ANKRD17: variants seen among roughly 807,000 people sequenced by gnomAD.
The protein encoded by ANKRD17 is ankyrin repeat domain-containing protein 17.
ANKRD17 carries 19 observed loss-of-function variants against 229.7 expected under a neutral mutation model. The observed-to-expected ratio is 0.08, with a 90% CI of 0.06 to 0.12. The LOEUF (loss-of-function observed/expected upper bound fraction) is 0.12. ANKRD17 is among the 10% of genes least tolerant of loss of function. ANKRD17 has a pLI of 1.00. For missense variants in ANKRD17, 2,176 were observed against 3,176.8 expected, an observed-to-expected ratio of 0.68 and a Z score of 7.57; for synonymous variants, 1,112 against 1,146.1, an observed-to-expected ratio of 0.97 and a Z score of 0.60.
chr4:73,115,823 T>C lies in ANKRD17; in HGVS notation c.4282A>G (p.Lys1428Glu). 6.2e-7 allele frequency: 1 copy of C among 1,609,930 alleles called. No individual in the cohort carries two copies. Among genetic ancestry groups the C allele is most frequent in the Non-Finnish European group, 8.5e-7 (1 of 1,177,332 alleles). The part of the protein sequence containing the change: ...CMRYIATITD[K>E]EMLKKCHLCM... The stretch of plus-strand genomic sequence containing the variant: ...TCATATAGTGAACAACATATTACCT[T>C]ATCAGTGATGGTTGCTATGTATCTC... The change falls in exon 23 of 34, where the codon AAG becomes GAG. Residue 1428 changes from lysine to glutamate, a missense_variant and splice_region_variant. This residue lies in a region of ANKRD17 where 178 missense variants were observed against 421.7 expected (regional missense o/e 0.42). Coordinates refer to ENST00000358602, the MANE Select transcript of ANKRD17 (RefSeq NM_032217.5).
intron 1 of ANKRD17, among the ~76,000 whole-genome samples, chr4:73,217,133 C>T (rs1273423682): frequency 6.6e-6 from 1 of 152,142 alleles, no homozygotes; most frequent in African/African-American, 2.4e-5. Flanking sequence ...AATTAATGCT[C>T]CATAACATGC....
At position 73,140,282 on chromosome 4, in the gene ANKRD17, A is replaced by T; in HGVS notation, c.2334T>A (p.Ala778=). ...VATTLPIRNK[A]ASKQKSSSHL... ...GGCTGCTGGACTTTTGTTTAGAAGC[A>T]GCTGTGTGAAAAAGAAACCCCCTCA... The change falls in exon 15 of 34, where the codon GCT becomes GCA. Residue 778 remains alanine (A), a splice_region_variant and synonymous_variant. Coordinates refer to ENST00000358602, the MANE Select transcript of ANKRD17 (RefSeq NM_032217.5). 1 of 1,580,906 alleles carries T rather than the reference A, an allele frequency of 6.3e-7. No homozygotes were observed. Among genetic ancestry groups the T allele is most frequent in the Non-Finnish European group, 8.6e-7 (1 of 1,169,388 alleles).
Position 73,258,549 on chromosome 4 carries a change from G to C in ANKRD17, c.120C>G (p.Gly40=). ...AGGCCGAGCGAGCTCTGCTGCTGCCGCCAACGCCGCCGCCGACCTCCGCCG... is the reference window on the plus strand; with the variant it reads ...AGGCCGAGCGAGCTCTGCTGCTGCCCCCAACGCCGCCGCCGACCTCCGCCG... The part of the protein sequence containing the change: ...PAAAEVGGGV[G]GSSRARSASS... Residue 40 remains glycine, a synonymous_variant, in exon 1 of 34, where the codon GGC becomes GGG. Coordinates refer to ENST00000358602, the MANE Select transcript of ANKRD17 (RefSeq NM_032217.5). 1 of 1,475,770 alleles carries C rather than the reference G, an allele frequency of 6.8e-7. No homozygotes were observed. Among genetic ancestry groups the C allele is most frequent in the Non-Finnish European group, 8.9e-7 (1 of 1,122,912 alleles). 91.4% of individuals were successfully genotyped at this position (1,475,770 alleles called of 1,614,324 possible).
At chr4:73,186,607 C>T (rs915892047) in intron 1 of ANKRD17, among the ~76,000 whole-genome samples, 7 of 152,092 alleles carry the variant, frequency 4.6e-5, no homozygotes, top group Non-Finnish European at 7.4e-5. Flanking sequence ...ATAGCACTTT[C>T]GTAAAACGTG....
Position 73,098,353 on chromosome 4 carries a change from C to T in ANKRD17, c.4741G>A (p.Val1581Ile). Residue 1581 changes from valine to isoleucine, a missense_variant, in exon 26 of 34, where the codon GTT (valine) becomes ATT (isoleucine). This residue lies in a region of ANKRD17 where 105 missense variants were observed against 118.3 expected (regional missense o/e 0.89). Coordinates refer to ENST00000358602, the MANE Select transcript of ANKRD17 (RefSeq NM_032217.5). The stretch of plus-strand genomic sequence containing the variant: ...AGTGGATCATCAAATATAATTTGAA[C>T]GTTTTCTGGAGTAATTTTATTTTTC... ...NRKNKITPEN[V>I]QIIFDDPLPI... The T allele has an allele frequency of 7.4e-6, 12 of 1,614,132 alleles. No homozygotes were observed. Among genetic ancestry groups the T allele is most frequent in the Non-Finnish European group, 9.3e-6 (11 of 1,180,014 alleles).
At chr4:73,121,821 T>C in intron 18 of ANKRD17, 62 bp from the exon 19 acceptor site, 1 of 1,489,572 alleles carries the variant, frequency 6.7e-7, no homozygotes, top group Non-Finnish European at 9.0e-7. Flanking sequence ...AAAGTGTGTA[T>C]TTTTAAATTT....
At chr4:73,096,932 C>T (rs1723371226) in intron 27 of ANKRD17, among the ~76,000 whole-genome samples, 185 bp downstream of exon 27, 1 of 152,120 alleles carries the variant, frequency 6.6e-6, no homozygotes, top group Non-Finnish European at 1.5e-5. Flanking sequence ...TTTTGAGGGG[C>T]CAAATTAACA....
Position 73,091,186 on chromosome 4 carries a change from C to A in ANKRD17, c.6442G>T (p.Ala2148Ser). The A allele has an allele frequency of 6.2e-7, 1 of 1,614,130 alleles. No homozygotes were observed. Among genetic ancestry groups the A allele is most frequent in the Non-Finnish European group, 8.5e-7 (1 of 1,180,036 alleles). Reference sequence around the variant, plus strand: ...GTCACTGGGGCAGTAGAAGGCACCGCCACTGGAGCAGAACTTGTTGCTAAA... The same window carrying A: ...GTCACTGGGGCAGTAGAAGGCACCGACACTGGAGCAGAACTTGTTGCTAAA... The part of the protein sequence containing the change: ...PPLATSSAPV[A>S]VPSTAPVTYP... Residue 2148 changes from alanine (A) to serine (S), a missense_variant, in exon 29 of 34, where the codon GCG becomes TCG. Physicochemically the swap from Ala to Ser is moderately conservative, Grantham distance 99 (BLOSUM62 1). Around this residue, in one of 18 missense-constraint regions of ANKRD17, gnomAD observed 424 missense variants for 454.0 expected, o/e 0.93. Coordinates refer to ENST00000358602, the MANE Select transcript of ANKRD17 (RefSeq NM_032217.5).
rs1480746567 is a variant in ANKRD17, at chr4:73,165,349, TAGA to T, written c.548-4004_548-4002del. Among the ~76,000 whole-genome samples, 5 of 152,204 alleles carry T rather than the reference TAGA, an allele frequency of 3.3e-5. No individual in the cohort carries two copies. The East Asian group carries it at 9.6e-4, about 29-fold the overall frequency. On this transcript the variant is annotated intron_variant, in intron 2 of 33. Transcript: ENST00000358602. ...TGATTATTCTCTAAAGAAACCAAAC[TAGA>T]AAGGCCCTGGACTAGGAGACATCAG...
intron 1 of ANKRD17, among the ~76,000 whole-genome samples, chr4:73,228,806 T>C (rs1411214532): frequency 6.6e-6 from 1 of 152,202 alleles, no homozygotes; most frequent in Non-Finnish European, 1.5e-5. Context: ...GGATTATAAA[T>C]CATGCTGCTA....
At chr4:73,184,648 T>A (rs1227449982) in intron 1 of ANKRD17, among the ~76,000 whole-genome samples, 1 of 151,244 alleles carries the variant, frequency 6.6e-6, no homozygotes, top group African/African-American at 2.4e-5. Flanking sequence ...TGCAAAGCAG[T>A]AGGCTACTCA....
intron 1 of ANKRD17, among the ~76,000 whole-genome samples, chr4:73,215,163 A>G (rs1300738161): frequency 1.3e-5 from 2 of 152,220 alleles, no homozygotes; most frequent in Non-Finnish European, 2.9e-5. Flanking sequence ...ATAAAATTCA[A>G]ACTTCCAAGC....
intron 19 of ANKRD17, 105 bp downstream of exon 19, chr4:73,121,512 G>C (rs1352437895): frequency 1.5e-6 from 2 of 1,361,396 alleles, no homozygotes; most frequent in Admixed American, 3.7e-5. Context: ...TGCCAAATTT[G>C]TAATAAAGGG....
At chr4:73,234,459 T>C (rs1743331331) in intron 1 of ANKRD17, among the ~76,000 whole-genome samples, 1 of 152,246 alleles carries the variant, frequency 6.6e-6, no homozygotes, top group Admixed American at 6.5e-5. Flanking sequence ...TGTCTGATTA[T>C]CCCTGTCTGT....
intron 29 of ANKRD17, among the ~76,000 whole-genome samples, chr4:73,086,785 T>A (rs1243397132): frequency 2.7e-5 from 4 of 146,640 alleles, no homozygotes; most frequent in Admixed American, 1.4e-4. Context: ...TTAGCTTTTA[T>A]AGAACACATG....
In ANKRD17 at chr4:73,121,079, C is replaced by T. The variant is rs993321109; in HGVS notation, c.3651G>A (p.Leu1217=). 6.2e-7 allele frequency: 1 copy of T among 1,613,506 alleles called. No homozygotes were observed. The highest frequency in any genetic ancestry group is 8.5e-7 in the Non-Finnish European group (1 of 1,179,748). ...CTGCTAACATCAGAGGAGAGATGCCCAATTTGCTACCAGTTCTAGGGGTGC... is the reference window on the plus strand; with the variant it reads ...CTGCTAACATCAGAGGAGAGATGCCTAATTTGCTACCAGTTCTAGGGGTGC... ...AEINSRTGSK[L]GISPLMLAAM... is the part of the protein sequence containing the mutation. The change falls in exon 20 of 34, where the codon TTG becomes TTA. Residue 1217 remains leucine (L), a synonymous_variant. Transcript: ENST00000358602.
chr4:73,099,049 C>A, intron 25 of ANKRD17: 1 of 964,042 alleles, frequency 1.0e-6, no homozygotes, highest in Non-Finnish European at 1.7e-6. Context: ...GGAAAACCAC[C>A]ACAACTCCAG....
At chr4:73,122,896 C>G (rs1481461737) in intron 18 of ANKRD17, among the ~76,000 whole-genome samples, 1 of 152,046 alleles carries the variant, frequency 6.6e-6, no homozygotes, top group Non-Finnish European at 1.5e-5. Flanking sequence ...TCAATTCTTT[C>G]AGAGAACTCT....
chr4:73,140,630 CTCA>C (rs1190004700), intron 14 of ANKRD17, among the ~76,000 whole-genome samples: 1 of 152,016 alleles, frequency 6.6e-6, no homozygotes, highest in Non-Finnish European at 1.5e-5. Context: ...GATGTTAAAA[CTCA>C]TCATAAGAAC....
Sources: gnomAD v4.1 joint callset for allele counts (sites outside exome capture counted in the v4.1 genomes callset) on GRCh38, gnomAD v4.1.1 for gene constraint, gnomAD v4.1.1 regional missense constraint, MANE v1.5 for transcripts, NCBI Gene and HGNC (gene_info 2026-07-23, HGNC 2026-07-21) for gene names.